Variants in ELP4 observed in about 807,000 individuals in gnomAD.
ELP4 encodes elongator complex protein 4.
ELP4 carries 51 observed loss-of-function variants against 48.9 expected under a neutral mutation model. The observed-to-expected ratio is 1.04, with a 90% CI of 0.83 to 1.32. The LOEUF is 1.32. Ranked by LOEUF, ELP4 falls within the 40% of genes most tolerant of loss-of-function variation. ELP4 has a pLI of 0.00. For missense variants in ELP4, 519 were observed against 514.6 expected (o/e 1.01, Z -0.08); for synonymous variants, 210 against 189.2 (o/e 1.11, Z -0.90).
intron 9 of ELP4, among the ~76,000 whole-genome samples, chr11:31,744,971 G>A (rs1947547922): frequency 1.3e-5 from 2 of 152,198 alleles, no homozygotes; most frequent in South Asian, 4.2e-4. Context: ...CAGATGACAT[G>A]ATTGTATATC....
At chr11:31,760,219 A>T (rs907486188) in intron 9 of ELP4, among the ~76,000 whole-genome samples, 10 of 152,130 alleles carry the variant, frequency 6.6e-5, no homozygotes, top group African/African-American at 1.9e-4. Context: ...CTACATGGAC[A>T]CTAGAAAAAC....
chr11:31,744,148 T>G (rs1432210051), intron 9 of ELP4, among the ~76,000 whole-genome samples: 2 of 152,092 alleles, frequency 1.3e-5, no homozygotes, highest in Non-Finnish European at 2.9e-5. Context: ...CTGGAAGAAA[T>G]GGATAAATTC....
At chr11:31,681,625 C>T (rs780559010) in intron 9 of ELP4, among the ~76,000 whole-genome samples, 7 of 151,666 alleles carry the variant, frequency 4.6e-5, no homozygotes, top group Admixed American at 3.3e-4. Context: ...GGGAAAGTAA[C>T]GTTTTTGATG....
At chr11:31,741,747 C>T (rs923528249) in intron 9 of ELP4, among the ~76,000 whole-genome samples, 3 of 152,124 alleles carry the variant, frequency 2.0e-5, no homozygotes, top group South Asian at 4.1e-4. Flanking sequence ...CCCATCTGTA[C>T]GTCACCATCA....
rs557884114 is a variant in ELP4 at position 31,729,346 on chromosome 11, T to G, written c.1144-54047T>G. On this transcript the variant is annotated intron_variant, in intron 9 of 9. Coordinates refer to ENST00000640961, the MANE Select transcript of ELP4 (RefSeq NM_019040.5). ...ATGTACTAACTTAGCAATAAAAATA[T>G]GTATTGGCCCATTTCCTCAGGCTCT... is the stretch of plus-strand genomic sequence containing the variant. Among the ~76,000 whole-genome samples, 4 of 152,312 alleles carry G rather than the reference T, an allele frequency of 2.6e-5. No individual in the cohort carries two copies. In the East Asian group the frequency reaches 7.7e-4, roughly 29 times the overall value.
intron 9 of ELP4, among the ~76,000 whole-genome samples, chr11:31,668,773 G>C (rs1488973530): frequency 6.7e-6 from 1 of 148,402 alleles, no homozygotes; most frequent in African/African-American, 2.5e-5. Flanking sequence ...TTAATTTCCT[G>C]ACCTAGGATG....
intron 2 of ELP4, among the ~76,000 whole-genome samples, chr11:31,530,746 C>T (rs1054196393): frequency 2.7e-4 from 41 of 152,224 alleles, no homozygotes; most frequent in African/African-American, 7.9e-4. Context: ...TTATGTCTCT[C>T]GGGTCTCTTT....
At chr11:31,516,280 T>C (rs1413997595) in intron 1 of ELP4, among the ~76,000 whole-genome samples, 1 of 152,228 alleles carries the variant, frequency 6.6e-6, no homozygotes, top group Non-Finnish European at 1.5e-5. Flanking sequence ...TGCTCTAGCT[T>C]AGACACCATA....
chr11:31,661,738 G>A (rs1045800003), intron 9 of ELP4, among the ~76,000 whole-genome samples: 1 of 151,946 alleles, frequency 6.6e-6, no homozygotes. Flanking sequence ...TTCTTTAGAT[G>A]CTTAATATAT....
At chr11:31,627,234 A>G in intron 6 of ELP4, 40 bp downstream of exon 6, 1 of 247,540 alleles carries the variant, frequency 4.0e-6, no homozygotes, top group Non-Finnish European at 7.0e-6. Context: ...TTATTTATAT[A>G]ATGTTGTTTT....
chr11:31,543,909 T>A (rs1223730781), intron 3 of ELP4, among the ~76,000 whole-genome samples: 1 of 152,168 alleles, frequency 6.6e-6, no homozygotes, highest in Non-Finnish European at 1.5e-5. Flanking sequence ...CTTTCTCAAA[T>A]GCTAAAATCA....
intron 3 of ELP4, among the ~76,000 whole-genome samples, chr11:31,546,312 A>G (rs1233036404): frequency 6.6e-6 from 1 of 152,074 alleles, no homozygotes; most frequent in Non-Finnish European, 1.5e-5. Context: ...AATGGAAAAC[A>G]AAAAAAGGCA....
At chr11:31,588,445 C>G (rs1249320842) in intron 3 of ELP4, among the ~76,000 whole-genome samples, 1 of 152,148 alleles carries the variant, frequency 6.6e-6, no homozygotes, top group African/African-American at 2.4e-5. Flanking sequence ...TCTCTGGTCT[C>G]TTAACAACTT....
intron 3 of ELP4, among the ~76,000 whole-genome samples, chr11:31,550,696 G>A (rs776464021): frequency 6.6e-6 from 1 of 152,162 alleles, no homozygotes; most frequent in Non-Finnish European, 1.5e-5. Flanking sequence ...ACCCTTGTTA[G>A]ATGAGAGGCA....
chr11:31,747,845 G>T (rs528337828), intron 9 of ELP4, among the ~76,000 whole-genome samples: 2 of 152,338 alleles, frequency 1.3e-5, no homozygotes, highest in South Asian at 4.1e-4. Context: ...AATGATTAAT[G>T]ATTTTTGCAA....
intron 9 of ELP4, among the ~76,000 whole-genome samples, chr11:31,759,860 C>T (rs1592287481): frequency 1.3e-5 from 2 of 151,994 alleles, no homozygotes; most frequent in East Asian, 3.9e-4. Context: ...GTATATGCCA[C>T]GACACACAGC....
chr11:31,716,477 G>A (rs1469079397), intron 9 of ELP4, among the ~76,000 whole-genome samples: 3 of 152,096 alleles, frequency 2.0e-5, no homozygotes, highest in Non-Finnish European at 4.4e-5. Flanking sequence ...CTATATCATG[G>A]GGCTGATAAG....
chr11:31,781,750 G>C (rs923025692), intron 9 of ELP4, among the ~76,000 whole-genome samples: 2 of 151,892 alleles, frequency 1.3e-5, no homozygotes, highest in African/African-American at 4.8e-5. Context: ...GCCTGCCTCA[G>C]CTTCCCAAAG....
chr11:31,761,515 A>G (rs1947945399), intron 9 of ELP4, among the ~76,000 whole-genome samples: 1 of 152,230 alleles, frequency 6.6e-6, no homozygotes, highest in African/African-American at 2.4e-5. Flanking sequence ...CAGTAAGTAT[A>G]TAAAATCTCT....
Sources: gnomAD v4.1 joint callset for allele counts (sites outside exome capture counted in the v4.1 genomes callset) on GRCh38, gnomAD v4.1.1 for gene constraint, MANE v1.5 for transcripts, NCBI Gene and HGNC (gene_info 2026-07-23, HGNC 2026-07-21) for gene names.